Variants in REST observed in about 807,000 individuals in gnomAD.
REST encodes the protein RE1-silencing transcription factor.
Under a neutral mutation model 30.4 loss-of-function variants are expected in REST, and 1 was observed. The ratio of observed to expected loss-of-function variants is 0.03; its 90% CI spans 0.01 to 0.16. The LOEUF (loss-of-function observed/expected upper bound fraction) is 0.16, where lower values mean the gene tolerates loss of function less well. REST is among the 10% of genes least tolerant of loss of function. REST has a pLI of 1.00. For missense variants in REST, 1,259 were observed against 1,329.5 expected (o/e 0.95, Z 0.82); for synonymous variants, 504 against 451.1 (o/e 1.12, Z -1.49).
In REST at chr4:56,931,002, A is replaced by T; in HGVS notation, c.2144A>T (p.Gln715Leu). The T allele has an allele frequency of 6.2e-7, 1 of 1,614,234 alleles. No homozygotes were observed. Among genetic ancestry groups the T allele is most frequent in the Non-Finnish European group, 8.5e-7 (1 of 1,180,048 alleles). Reference protein sequence around the residue: ...PMEPAQMEVAQVESAPMQVVQ... With the variant: ...PMEPAQMEVALVESAPMQVVQ... ...GAACCTGCTCAGATGGAGGTTGCCC[A>T]GGTAGAATCTGCTCCCATGCAGGTG... The change falls in exon 4 of 4, where the codon CAG (glutamine) becomes CTG (leucine). Residue 715 changes from glutamine (Q) to leucine (L), a missense_variant. Coordinates refer to ENST00000309042, the MANE Select transcript of REST (RefSeq NM_005612.5).
chr4:56,911,906 T>C (rs1413343612), intron 2 of REST, among the ~76,000 whole-genome samples: 1 of 152,200 alleles, frequency 6.6e-6, no homozygotes, highest in Non-Finnish European at 1.5e-5. Context: ...AAGGACTGCC[T>C]GAGCCCAGAA....
intron 3 of REST, among the ~76,000 whole-genome samples, chr4:56,926,699 A>G (rs150842343): frequency 1.7e-3 from 255 of 152,234 alleles, no homozygotes; most frequent in Admixed American, 3.5e-3. Flanking sequence ...CCAAAAGTGA[A>G]CAATTATAGG....
intron 2 of REST, among the ~76,000 whole-genome samples, chr4:56,915,090 A>G (rs1451234329): frequency 1.3e-5 from 2 of 150,186 alleles, no homozygotes. Context: ...ACACCTGCTA[A>G]TTTTGTATTT....
chr4:56,911,247 T>G lies in REST; in HGVS notation c.609T>G (p.Ser203=). Residue 203 remains serine, a synonymous_variant, in exon 2 of 4, where the codon TCT becomes TCG. Transcript: ENST00000309042. ...EKQAKARESG[S]STAEEGDFSK... ...AGGCAAAAGCCAGGGAATCTGGCTCTTCCACTGCAGAAGAGGGAGATTTCT... is the reference window on the plus strand; with the variant it reads ...AGGCAAAAGCCAGGGAATCTGGCTCGTCCACTGCAGAAGAGGGAGATTTCT... The G allele has an allele frequency of 6.2e-7, 1 of 1,614,146 alleles. No homozygotes were observed.
intron 2 of REST, among the ~76,000 whole-genome samples, chr4:56,912,673 C>T (rs1482052231): frequency 6.6e-6 from 1 of 152,142 alleles, no homozygotes; most frequent in Non-Finnish European, 1.5e-5. Context: ...CACCACCACA[C>T]CCAGCTGATT....
At chr4:56,912,594 A>G (rs1719984192) in intron 2 of REST, among the ~76,000 whole-genome samples, 1 of 151,702 alleles carries the variant, frequency 6.6e-6, no homozygotes, top group Admixed American at 6.6e-5. Flanking sequence ...GGCTCACTGC[A>G]ACCTCTGTCT....
intron 3 of REST, among the ~76,000 whole-genome samples, chr4:56,929,234 A>AT (rs1476631363): frequency 1.3e-5 from 2 of 151,600 alleles, no homozygotes; most frequent in Non-Finnish European, 2.9e-5. Flanking sequence ...CGCCCAGCTA[A>AT]TTTTTTTTGT....
Position 56,930,985 on chromosome 4 carries a change from T to C in REST, c.2127T>C (p.Ala709=). 6.2e-7 allele frequency: 1 copy of C among 1,614,180 alleles called. No homozygotes were observed. Among genetic ancestry groups the C allele is most frequent in the Non-Finnish European group, 8.5e-7 (1 of 1,180,034 alleles). ...AQMGPAPMEP[A]QMEVAQVESA... ...TGGGGCCTGCTCCCATGGAACCTGC[T>C]CAGATGGAGGTTGCCCAGGTAGAAT... The change falls in exon 4 of 4, where the codon GCT becomes GCC. Residue 709 remains alanine, a synonymous_variant. Coordinates refer to ENST00000309042, the MANE Select transcript of REST (RefSeq NM_005612.5).
intron 3 of REST, among the ~76,000 whole-genome samples, chr4:56,920,204 C>T (rs765164835): frequency 4.6e-5 from 7 of 151,952 alleles, no homozygotes; most frequent in Non-Finnish European, 8.8e-5. Context: ...CATATTTCTC[C>T]TAACAGTATA....
Position 56,931,573 on chromosome 4 carries a change from C to G in REST, c.2715C>G (p.Ser905Arg). The G allele has an allele frequency of 6.2e-7, 1 of 1,614,190 alleles. No homozygotes were observed. The highest frequency in any genetic ancestry group is 8.5e-7 in the Non-Finnish European group (1 of 1,180,036). ...TAGGAGCAGAAGAGGCAGATGAGAG[C>G]CTACCTGGTCTTGCTGCTAATATCA... ...QKVGAEEADE[S>R]LPGLAANINE... Residue 905 changes from serine (S) to arginine (R), a missense_variant, in exon 4 of 4, where the codon AGC becomes AGG. Physicochemically the swap from Ser to Arg is moderately radical, Grantham distance 110. This residue lies in a region of REST where 856 missense variants were observed against 772.8 expected (regional missense o/e 1.11). Coordinates refer to ENST00000309042, the MANE Select transcript of REST (RefSeq NM_005612.5).
intron 3 of REST, among the ~76,000 whole-genome samples, chr4:56,920,874 A>T (rs1357260685): frequency 1.3e-5 from 2 of 151,810 alleles, no homozygotes; most frequent in Admixed American, 1.3e-4. Flanking sequence ...TTATTTTTAT[A>T]TTTTTTTTGG....
At chr4:56,913,880 C>G (rs1296064354) in intron 2 of REST, among the ~76,000 whole-genome samples, 1 of 152,140 alleles carries the variant, frequency 6.6e-6, no homozygotes, top group Non-Finnish European at 1.5e-5. Context: ...GAACTCCTGA[C>G]CTCGTGATCT....
In REST at chr4:56,911,333, C is replaced by T; in HGVS notation, c.695C>T (p.Thr232Ile). 2 of 1,614,196 alleles carry T rather than the reference C, an allele frequency of 1.2e-6. No homozygotes were observed. Among genetic ancestry groups the T allele is most frequent in the Non-Finnish European group, 1.7e-6 (2 of 1,180,036 alleles). Residue 232 changes from threonine (T) to isoleucine (I), a missense_variant, in exon 2 of 4, where the codon ACA becomes ATA. By Grantham distance (89) the Thr-to-Ile change is moderately conservative. Around this residue, in one of 5 missense-constraint regions of REST, gnomAD observed 125 missense variants for 255.4 expected, o/e 0.49. Coordinates refer to ENST00000309042, the MANE Select transcript of REST (RefSeq NM_005612.5). Reference sequence around the variant, plus strand: ...AATACTAATCGATATGATCACTATACAGCACACCTGAAACACCACACCAGA... The same window carrying T: ...AATACTAATCGATATGATCACTATATAGCACACCTGAAACACCACACCAGA... Reference protein sequence around the residue: ...GYNTNRYDHYTAHLKHHTRAG... With the variant: ...GYNTNRYDHYIAHLKHHTRAG...
At chr4:56,925,618 A>G (rs1429955189) in intron 3 of REST, among the ~76,000 whole-genome samples, 1 of 152,206 alleles carries the variant, frequency 6.6e-6, no homozygotes, top group Non-Finnish European at 1.5e-5. Flanking sequence ...CATAAAACAG[A>G]CAATTGGTAG....
chr4:56,909,193 T>A (rs1013500165), intron 1 of REST: 1 of 152,190 alleles, frequency 6.6e-6, no homozygotes, highest in Non-Finnish European at 1.5e-5. Context: ...TCAGGACGAG[T>A]GTCGGGGCGA....
rs570101613 is a variant in REST, at chr4:56,925,090, G to A, written c.983-4751G>A. ...TGAGACAGGAGAATCACTTGAACCCGGGAGACGGTGGTTGCAGTGAGCCGA... is the reference window on the plus strand; with the variant it reads ...TGAGACAGGAGAATCACTTGAACCCAGGAGACGGTGGTTGCAGTGAGCCGA... On this transcript the variant is annotated intron_variant, in intron 3 of 3. Transcript: ENST00000309042. 9.3e-4 allele frequency among the ~76,000 whole-genome samples: 141 copies of A among 151,088 alleles called. 1 individual carries two copies. The highest frequency in any genetic ancestry group is 1.5e-3 in the Non-Finnish European group (103 of 67,908).
chr4:56,920,888 C>T lies in REST; in HGVS notation c.982+1018C>T, dbSNP rs373364865. Among the ~76,000 whole-genome samples the T allele has an allele frequency of 2.6e-5, 4 of 152,164 alleles. No individual in the cohort carries two copies. In the East Asian group the frequency reaches 5.8e-4, roughly 22 times the overall value. On this transcript the variant is annotated intron_variant, in intron 3 of 3. Coordinates refer to ENST00000309042, the MANE Select transcript of REST (RefSeq NM_005612.5). ...TTTATTTTTATATTTTTTTTGGAGA[C>T]GGAGTCTTGCTCTGTCGTCTAGGCT...
chr4:56,920,737 A>G (rs542519295), intron 3 of REST, among the ~76,000 whole-genome samples: 76 of 152,246 alleles, frequency 5.0e-4, no homozygotes, highest in Non-Finnish European at 8.7e-4. Context: ...GCGAAACTCT[A>G]TCTTGAAAAA....
chr4:56,920,274 G>C (rs2109547154), intron 3 of REST, among the ~76,000 whole-genome samples: 1 of 151,734 alleles, frequency 6.6e-6, no homozygotes, highest in Non-Finnish European at 1.5e-5. Flanking sequence ...AGCTTCTCAG[G>C]TCCTGAAATG....
Sources: allele counts gnomAD v4.1 joint callset (sites outside exome capture counted in the v4.1 genomes callset), GRCh38; gene constraint gnomAD v4.1.1; regional missense constraint gnomAD v4.1.1; transcripts MANE v1.5; gene names NCBI Gene and HGNC (gene_info 2026-07-23, HGNC 2026-07-21).